WNT2B: variants seen among roughly 807,000 people sequenced by gnomAD.
WNT2B encodes protein Wnt-2b.
In WNT2B, 19 loss-of-function variants were observed where a neutral mutation model predicts 40.5. That is an observed-to-expected ratio of 0.47 (90% CI 0.33 to 0.69). The LOEUF is 0.69. Ranked by LOEUF, WNT2B falls within the 30% of genes least tolerant of loss-of-function variation. The pLI, the probability that WNT2B is intolerant of heterozygous loss-of-function variation, is 0.02. For synonymous variants in WNT2B, 220 were observed against 211.9 expected (o/e 1.04, Z -0.33); for missense variants, 467 against 556.4 (o/e 0.84, Z 1.62).
At chr1:112,473,216 G>C (rs1650946172) in intron 1 of WNT2B, among the ~76,000 whole-genome samples, 6 of 140,376 alleles carry the variant, frequency 4.3e-5, no homozygotes, top group African/African-American at 1.6e-4. Context: ...GAGGGAGGGA[G>C]AGGAAAGGAA....
At chr1:112,473,423 G>A (rs1650953888) in intron 1 of WNT2B, among the ~76,000 whole-genome samples, 1 of 152,048 alleles carries the variant, frequency 6.6e-6, no homozygotes, top group Non-Finnish European at 1.5e-5. Context: ...CAAACTTCTA[G>A]AGATGAAAAT....
At chr1:112,508,955 G>T (rs994358487), upstream of WNT2B, 29 of 1,209,518 alleles carry the variant, frequency 2.4e-5, no homozygotes, top group Non-Finnish European at 2.8e-5. The surrounding 1 kb of genome is among the most constrained non-coding windows in gnomAD (Gnocchi z 4.2). Flanking sequence ...CGCGGCCGAA[G>T]GGGCTGTCCG....
At chr1:112,502,109 C>T (rs351362) in intron 1 of WNT2B, among the ~76,000 whole-genome samples, 47,291 of 152,210 alleles carry the variant, frequency 0.31, 8,738 homozygotes, top group South Asian at 0.55. Context: ...CTGGCCTGAG[C>T]GGTCTCCCCT....
chr1:112,510,514 G>GTCTCT (rs1048110746), intron 1 of WNT2B, among the ~76,000 whole-genome samples: 1 of 152,020 alleles, frequency 6.6e-6, no homozygotes, highest in African/African-American at 2.4e-5. Context: ...CCGAAATGTG[G>GTCTCT]TCTCTTCTCT....
chr1:112,500,814 T>C (rs999543401), intron 1 of WNT2B, among the ~76,000 whole-genome samples: 2 of 152,170 alleles, frequency 1.3e-5, no homozygotes, highest in Admixed American at 1.3e-4. Flanking sequence ...AGTTTTTAGA[T>C]TTACAGAAAA....
At chr1:112,472,302 G>A (rs1420965793) in intron 1 of WNT2B, among the ~76,000 whole-genome samples, 1 of 152,090 alleles carries the variant, frequency 6.6e-6, no homozygotes. Flanking sequence ...GGCCTCCCCT[G>A]GAGTCTTCAA....
chr1:112,478,107 G>A (rs1273354365), intron 1 of WNT2B, among the ~76,000 whole-genome samples: 1 of 152,106 alleles, frequency 6.6e-6, no homozygotes, highest in Non-Finnish European at 1.5e-5. Flanking sequence ...GATGGTGCAT[G>A]CCTGTGGTCT....
chr1:112,526,207 CT>C lies in WNT2B; in HGVS notation c.*5699del. 6.5e-7 allele frequency: 1 copy of C among 1,542,678 alleles called. No individual in the cohort carries two copies. The highest frequency in any genetic ancestry group is 8.8e-7 in the Non-Finnish European group (1 of 1,139,038). On this transcript the variant is annotated 3_prime_UTR_variant, in exon 5 of 5. Coordinates refer to ENST00000369684, the MANE Select transcript of WNT2B (RefSeq NM_024494.3). ...TGAGCACAGTTTACAAAGGAACAGC[CT>C]AGGCCCTCCTGAACCTTATCAACCA...
Position 112,477,948 on chromosome 1 carries a change from G to A in WNT2B, c.-95+10357G>A, listed in dbSNP as rs140530535. Among the ~76,000 whole-genome samples the A allele has an allele frequency of 3.0e-3, 457 of 152,320 alleles. 2 individuals are homozygous for A. Among genetic ancestry groups the A allele is most frequent in the African/African-American group, 0.01 (421 of 41,570 alleles). On this transcript the variant is annotated intron_variant, in intron 1 of 4. Transcript: ENST00000256640. ...GTATTTGGGAGTTCCAAAACCAGAA[G>A]AGTGGCTGAGCACTGTAGCTCATGC... is the stretch of plus-strand genomic sequence containing the variant.
At chr1:112,470,017 C>T (rs879387839) in intron 1 of WNT2B, among the ~76,000 whole-genome samples, 2 of 152,186 alleles carry the variant, frequency 1.3e-5, no homozygotes, top group African/African-American at 2.4e-5. Flanking sequence ...AGTTTACACA[C>T]CACAATTACA....
chr1:112,496,175 G>A (rs1346382071), intron 1 of WNT2B, among the ~76,000 whole-genome samples: 1 of 152,144 alleles, frequency 6.6e-6, no homozygotes, highest in East Asian at 1.9e-4. Context: ...GTACAGCGAT[G>A]TAATCATAGC....
In WNT2B at chr1:112,520,459, G is replaced by A. The variant is rs111919963; in HGVS notation, c.1126G>A (p.Val376Ile). The change falls in exon 5 of 5, where the codon GTC (valine) becomes ATC (isoleucine). Residue 376 changes from valine to isoleucine, a missense_variant. This residue lies in a region of WNT2B where 330 missense variants were observed against 438.6 expected (regional missense o/e 0.75). Transcript: ENST00000369684. ...RCKECRNTVD[V>I]HTCKAPKKAE... The stretch of plus-strand genomic sequence containing the variant: ...CAAGGAATGCAGAAATACTGTGGAC[G>A]TCCATACTTGCAAAGCCCCCAAGAA... 6.2e-6 allele frequency: 10 copies of A among 1,614,022 alleles called. No homozygotes were observed. Among genetic ancestry groups the A allele is most frequent in the African/African-American group, 2.7e-5 (2 of 74,902 alleles).
intron 2 of WNT2B, 88 bp from the exon 3 acceptor site, chr1:112,516,052 G>A: frequency 6.7e-7 from 1 of 1,500,274 alleles, no homozygotes; most frequent in Non-Finnish European, 9.0e-7. Context: ...TTAGGGAAGA[G>A]GTTTCAGAGT....
At chr1:112,475,916 C>T (rs947320241) in intron 1 of WNT2B, among the ~76,000 whole-genome samples, 2 of 152,212 alleles carry the variant, frequency 1.3e-5, no homozygotes. Context: ...ATGCTGCCCA[C>T]AAGAAATCCA....
intron 1 of WNT2B, among the ~76,000 whole-genome samples, chr1:112,481,415 A>C (rs11102480): frequency 0.032 from 4,922 of 152,272 alleles, 270 homozygotes; most frequent in African/African-American, 0.11. Context: ...CTAAAATAAT[A>C]AAGGCCATTA....
At chr1:112,516,802 C>T (rs1320570972) in intron 3 of WNT2B, among the ~76,000 whole-genome samples, 2 of 152,216 alleles carry the variant, frequency 1.3e-5, no homozygotes, top group Non-Finnish European at 2.9e-5. Context: ...AGGCATGGTA[C>T]CTGGCACTCT....
intron 1 of WNT2B, among the ~76,000 whole-genome samples, chr1:112,503,114 C>G (rs1652008821): frequency 6.6e-6 from 1 of 152,112 alleles, no homozygotes; most frequent in South Asian, 2.1e-4. Context: ...CTTGTCCACC[C>G]TGATATGTAA....
chr1:112,473,114 AAAAG>A (rs1232381514), intron 1 of WNT2B, among the ~76,000 whole-genome samples: 1 of 143,796 alleles, frequency 7.0e-6, no homozygotes, highest in Non-Finnish European at 1.5e-5. Context: ...AGGAAGGGAA[AAAAG>A]AAAGAAAAAA....
Position 112,494,203 on chromosome 1 carries a change from G to A in WNT2B, c.-94-20671G>A, listed in dbSNP as rs541829989. 3.3e-5 allele frequency among the ~76,000 whole-genome samples: 5 copies of A among 151,226 alleles called. 1 individual carries two copies. The highest frequency in any genetic ancestry group is 9.8e-5 in the African/African-American group (4 of 40,648). On this transcript the variant is annotated intron_variant, in intron 1 of 4. Coordinates refer to the WNT2B transcript ENST00000256640. ...CGTGCGCCTGTAGTCCCAGCTACTCGGGAGGCTGAGGCGGGAGAATCGTTT... is the reference window on the plus strand; with the variant it reads ...CGTGCGCCTGTAGTCCCAGCTACTCAGGAGGCTGAGGCGGGAGAATCGTTT...
Sources: allele counts gnomAD v4.1 joint callset (sites outside exome capture counted in the v4.1 genomes callset), GRCh38; gene constraint gnomAD v4.1.1; regional missense constraint gnomAD v4.1.1; non-coding constraint Gnocchi (gnomAD v3.1); transcripts MANE v1.5; gene names NCBI Gene and HGNC (gene_info 2026-07-23, HGNC 2026-07-21).